CDNF: variants seen among roughly 807,000 people sequenced by gnomAD.
CDNF encodes the protein cerebral dopamine neurotrophic factor.
A neutral mutation model predicts 14.8 loss-of-function variants in CDNF; 9 were observed. The observed-to-expected ratio is 0.61, with a 90% CI of 0.37 to 1.06. CDNF has a LOEUF of 1.06. Ranked by LOEUF, CDNF falls within the 50% of genes least tolerant of loss-of-function variation. The probability of loss-of-function intolerance (pLI) is 0.01; values close to 1 mark genes in which losing one functional copy is unlikely to be tolerated. For synonymous variants in CDNF, 86 were observed against 87.2 expected, an observed-to-expected ratio of 0.99 and a Z score of 0.07; for missense variants, 228 against 228.4, an observed-to-expected ratio of 1.00 and a Z score of 0.01.
chr10:14,828,270 A>C lies in CDNF; in HGVS notation c.118T>G (p.Cys40Gly), dbSNP rs1833815609. The part of the protein sequence containing the change: ...GGRPGADCEV[C>G]KEFLNRFYKS... ...TAGAATCGGTTCAAGAATTCTTTAC[A>C]TACTGGAAGGAACAAATAAATATGT... Residue 40 changes from cysteine (C) to glycine (G), a missense_variant and splice_region_variant, in exon 2 of 4, where the codon TGT (cysteine) becomes GGT (glycine). Coordinates refer to ENST00000465530, the MANE Select transcript of CDNF (RefSeq NM_001029954.3). 1 of 1,613,622 alleles carries C rather than the reference A, an allele frequency of 6.2e-7. No homozygotes were observed. The highest frequency in any genetic ancestry group is 8.5e-7 in the Non-Finnish European group (1 of 1,179,748).
chr10:14,820,454 C>T (rs969525693), intron 3 of CDNF, among the ~76,000 whole-genome samples: 3 of 152,102 alleles, frequency 2.0e-5, no homozygotes, highest in Admixed American at 6.5e-5. Context: ...GGGCTGGGCA[C>T]GGTGGCTCAT....
intron 3 of CDNF, among the ~76,000 whole-genome samples, chr10:14,824,054 A>G (rs149734580): frequency 9.5e-4 from 144 of 152,340 alleles, no homozygotes; most frequent in Non-Finnish European, 1.8e-3. Flanking sequence ...GTTGGAAAAT[A>G]AGACTAAAAT....
chr10:14,831,582 ATT>A (rs765449342), intron 1 of CDNF, among the ~76,000 whole-genome samples: 13 of 149,776 alleles, frequency 8.7e-5, no homozygotes, highest in African/African-American at 1.5e-4. Context: ...ATATATATAT[ATT>A]TTTTTTCAAG....
chr10:14,828,380 G>T, intron 1 of CDNF, 108 bp from the exon 2 acceptor site: 1 of 1,052,764 alleles, frequency 9.5e-7, no homozygotes, highest in South Asian at 1.5e-5. Context: ...TGGGCATGGT[G>T]GCTTACCCCT....
rs1002543679 is a variant in CDNF at position 14,819,583 on chromosome 10, G to A, written c.*397C>T. 6.4e-6 allele frequency: 1 copy of A among 156,198 alleles called. No homozygotes were observed. Among genetic ancestry groups the A allele is most frequent in the Admixed American group, 6.5e-5 (1 of 15,468 alleles). The allele number at this position is 156,198 out of a possible 1,614,324, so 9.7% of individuals were successfully genotyped here. ...TATTTGGGATTGAAGTTGTGCATTAGATAAGCTGACTGTTGTGTCTTTTGT... is the reference window on the plus strand; with the variant it reads ...TATTTGGGATTGAAGTTGTGCATTAAATAAGCTGACTGTTGTGTCTTTTGT... On this transcript the variant is annotated 3_prime_UTR_variant, in exon 4 of 4. Coordinates refer to ENST00000465530, the MANE Select transcript of CDNF (RefSeq NM_001029954.3).
At chr10:14,821,136 T>C (rs1234900654) in intron 3 of CDNF, among the ~76,000 whole-genome samples, 1 of 152,130 alleles carries the variant, frequency 6.6e-6, no homozygotes, top group Non-Finnish European at 1.5e-5. Context: ...TTTTCTTTTT[T>C]TTTTTTGAGA....
At chr10:14,830,183 T>C (rs1255094405) in intron 1 of CDNF, among the ~76,000 whole-genome samples, 1 of 152,224 alleles carries the variant, frequency 6.6e-6, no homozygotes, top group East Asian at 1.9e-4. Context: ...GATGTGAATT[T>C]TGGCTGCAAA....
intron 1 of CDNF, among the ~76,000 whole-genome samples, chr10:14,833,745 G>A (rs180930770): frequency 1.6e-4 from 25 of 152,000 alleles, no homozygotes; most frequent in Non-Finnish European, 1.2e-4. Context: ...AAGGAGAGAC[G>A]GAAAAGAGAC....
At chr10:14,828,653 A>G (rs999238362) in intron 1 of CDNF, among the ~76,000 whole-genome samples, 3 of 151,888 alleles carry the variant, frequency 2.0e-5, no homozygotes, top group Non-Finnish European at 4.4e-5. Context: ...CTCACACACA[A>G]AAAAAGAAAC....
intron 1 of CDNF, among the ~76,000 whole-genome samples, chr10:14,829,592 A>C (rs887378699): frequency 3.3e-5 from 5 of 152,090 alleles, no homozygotes; most frequent in Admixed American, 6.6e-5. Context: ...TCTGTGTGTG[A>C]AAATTTCAAT....
At chr10:14,826,050 A>AGC (rs1833780961) in intron 2 of CDNF, among the ~76,000 whole-genome samples, 1 of 126,740 alleles carries the variant, frequency 7.9e-6, no homozygotes, top group Non-Finnish European at 1.6e-5. Flanking sequence ...GAAGAAGAAG[A>AGC]AGAAGAAGAA....
chr10:14,832,299 A>G (rs1255365510), intron 1 of CDNF, among the ~76,000 whole-genome samples: 2 of 152,246 alleles, frequency 1.3e-5, no homozygotes, highest in African/African-American at 4.8e-5. Flanking sequence ...GCTTCAAGGA[A>G]CAGCCAGAAG....
At chr10:14,825,384 C>T (rs1209738713) in intron 3 of CDNF, 95 bp downstream of exon 3, 3 of 1,269,846 alleles carry the variant, frequency 2.4e-6, no homozygotes, top group East Asian at 2.3e-5. Flanking sequence ...GAATTTCTTT[C>T]CTTTTAACAC....
At position 14,819,420 on chromosome 10, in the gene CDNF, A is replaced by G. The variant is rs1271350033; in HGVS notation, c.*560T>C. 3 of 152,094 alleles carry G rather than the reference A, an allele frequency of 2.0e-5. No individual in the cohort carries two copies. The highest frequency in any genetic ancestry group is 4.4e-5 in the Non-Finnish European group (3 of 68,042). 9.4% of individuals were successfully genotyped at this position (152,094 alleles called of 1,614,324 possible). On this transcript the variant is annotated 3_prime_UTR_variant, in exon 4 of 4. Transcript: ENST00000465530. ...ACTTATACGGTTTCTTGATCTCTCT[A>G]TTTTCTTTAAGTAGGTTTAAGTGGG...
At chr10:14,830,741 G>A (rs1457689911) in intron 1 of CDNF, among the ~76,000 whole-genome samples, 1 of 152,146 alleles carries the variant, frequency 6.6e-6, no homozygotes, top group African/African-American at 2.4e-5. Context: ...AGCTACTTGG[G>A]AGGCTGAGGC....
chr10:14,828,142 T>C lies in CDNF; in HGVS notation c.243+3A>G, dbSNP rs1453942824. On this transcript the variant is annotated splice_donor_region_variant and intron_variant, in intron 2 of 3. Transcript: ENST00000465530. ...GGAAAATGAAAGGTGAAATTTACTA[T>C]ACCAGGCGGTTTTCTTTTCCTTTGG... 4 of 1,613,712 alleles carry C rather than the reference T, an allele frequency of 2.5e-6. No homozygotes were observed. The highest frequency in any genetic ancestry group is 1.1e-5 in the South Asian group (1 of 91,046).
chr10:14,833,233 G>A (rs1302420718), intron 1 of CDNF, among the ~76,000 whole-genome samples: 4 of 152,094 alleles, frequency 2.6e-5, no homozygotes, highest in Non-Finnish European at 1.5e-5. Context: ...TAGCAATGAT[G>A]AAATTAACAC....
chr10:14,819,871 CATGAGACCAAAT>C lies in CDNF; in HGVS notation c.*97_*108del. ...TGAGGAATAATACCAACACAAAAAG[CATGAGACCAAAT>C]ATGATGCATTCCCAGTTATCCTTAA... On this transcript the variant is annotated 3_prime_UTR_variant, in exon 4 of 4. Coordinates refer to ENST00000465530, the MANE Select transcript of CDNF (RefSeq NM_001029954.3). 1 of 1,115,104 alleles carries C rather than the reference CATGAGACCAAAT, an allele frequency of 9.0e-7. No homozygotes were observed. Among genetic ancestry groups the C allele is most frequent in the South Asian group, 1.6e-5 (1 of 62,598 alleles). 69.1% of individuals were successfully genotyped at this position (1,115,104 alleles called of 1,614,324 possible). A position where few individuals can be genotyped will look rare whatever the true frequency, so the allele number is the denominator to read the frequency against.
chr10:14,825,337 T>G, intron 3 of CDNF, 142 bp downstream of exon 3: 1 of 761,766 alleles, frequency 1.3e-6, no homozygotes, highest in Non-Finnish European at 2.2e-6. Flanking sequence ...TGCCCATAGG[T>G]ACCATTCATC....
Sources: gnomAD v4.1 joint callset for allele counts (sites outside exome capture counted in the v4.1 genomes callset) on GRCh38, gnomAD v4.1.1 for gene constraint, MANE v1.5 for transcripts, NCBI Gene and HGNC (gene_info 2026-07-23, HGNC 2026-07-21) for gene names.